The following GLIPR1L2 variants were observed in gnomAD, a reference collection of about 807,000 sequenced individuals.
GLIPR1L2 encodes the protein GLIPR1-like protein 2.
GLIPR1L2 carries 21 observed loss-of-function variants against 28.4 expected under a neutral mutation model. The ratio of observed to expected loss-of-function variants is 0.74; its 90% CI spans 0.52 to 1.06. The LOEUF is 1.06. Ranked by LOEUF, GLIPR1L2 falls within the 50% of genes least tolerant of loss-of-function variation. The probability of loss-of-function intolerance (pLI) is 0.00; values close to 1 mark genes in which losing one functional copy is unlikely to be tolerated. For missense variants in GLIPR1L2, 476 were observed against 416.9 expected, an observed-to-expected ratio of 1.14 and a Z score of -1.23; for synonymous variants, 145 against 139.3, an observed-to-expected ratio of 1.04 and a Z score of -0.29.
At chr12:75,427,089 T>A (rs534621222) in intron 4 of GLIPR1L2, among the ~76,000 whole-genome samples, 12 of 151,966 alleles carry the variant, frequency 7.9e-5, no homozygotes, top group Non-Finnish European at 1.8e-4. Context: ...TAATAAAACT[T>A]GGGAGGAGAA....
chr12:75,392,512 A>G (rs903313559), intron 1 of GLIPR1L2, among the ~76,000 whole-genome samples: 3 of 152,154 alleles, frequency 2.0e-5, no homozygotes, highest in Non-Finnish European at 4.4e-5. Flanking sequence ...GAACTATGCT[A>G]GCATTTGGTT....
intron 1 of GLIPR1L2, among the ~76,000 whole-genome samples, chr12:75,395,149 G>A (rs1005495524): frequency 5.3e-5 from 8 of 151,722 alleles, no homozygotes; most frequent in African/African-American, 1.9e-4. Context: ...GTTTTTTTGT[G>A]TGTGGAATCT....
chr12:75,402,787 G>C (rs2045756556), intron 1 of GLIPR1L2, among the ~76,000 whole-genome samples: 1 of 152,114 alleles, frequency 6.6e-6, no homozygotes, highest in African/African-American at 2.4e-5. Flanking sequence ...AATCTTTGTA[G>C]TCAGTTTAGC....
At chr12:75,407,653 T>G (rs182975696) in intron 1 of GLIPR1L2, among the ~76,000 whole-genome samples, 42 of 152,270 alleles carry the variant, frequency 2.8e-4, no homozygotes, top group African/African-American at 9.6e-4. Context: ...AATTTACAAT[T>G]TTTAAATTGT....
chr12:75,404,807 T>C (rs756365878), intron 1 of GLIPR1L2, among the ~76,000 whole-genome samples: 1 of 152,170 alleles, frequency 6.6e-6, no homozygotes, highest in South Asian at 2.1e-4. Flanking sequence ...TAGCTTTGTT[T>C]AGTGTTATGT....
chr12:75,400,334 G>T (rs1026895183), intron 1 of GLIPR1L2, among the ~76,000 whole-genome samples: 1 of 151,954 alleles, frequency 6.6e-6, no homozygotes, highest in African/African-American at 2.4e-5. Flanking sequence ...CCACGTTATA[G>T]GATGGTCTCA....
chr12:75,418,160 AG>A (rs1197265870), intron 3 of GLIPR1L2, among the ~76,000 whole-genome samples: 1 of 152,144 alleles, frequency 6.6e-6, no homozygotes, highest in Non-Finnish European at 1.5e-5. Flanking sequence ...TATATAGATG[AG>A]GGTCAATAAG....
At chr12:75,419,832 T>A (rs183777871) in intron 3 of GLIPR1L2, among the ~76,000 whole-genome samples, 1 of 152,314 alleles carries the variant, frequency 6.6e-6, no homozygotes, top group Admixed American at 6.5e-5. Context: ...GTTCATACTT[T>A]CGTTGACCTT....
At chr12:75,427,848 T>C (rs2046049891) in intron 4 of GLIPR1L2, among the ~76,000 whole-genome samples, 1 of 152,174 alleles carries the variant, frequency 6.6e-6, no homozygotes, top group Non-Finnish European at 1.5e-5. Context: ...TTGCTTCCCC[T>C]TCACCCTCTG....
chr12:75,409,841 T>C (rs528283195), intron 1 of GLIPR1L2, among the ~76,000 whole-genome samples: 72 of 148,244 alleles, frequency 4.9e-4, no homozygotes, highest in Admixed American at 1.0e-3. Flanking sequence ...TAATCCGATA[T>C]ATATATAAGA....
chr12:75,393,360 G>A (rs2045651132), intron 1 of GLIPR1L2, among the ~76,000 whole-genome samples: 1 of 151,800 alleles, frequency 6.6e-6, no homozygotes, highest in Non-Finnish European at 1.5e-5. Flanking sequence ...TCGTCTTCCT[G>A]AACTGAGACT....
At chr12:75,391,447 G>A in intron 1 of GLIPR1L2, 97 bp downstream of exon 1, 2 of 1,592,752 alleles carry the variant, frequency 1.3e-6, no homozygotes, top group Non-Finnish European at 1.7e-6. Flanking sequence ...GAGGCTGAAG[G>A]ATCGCGGAGA....
At chr12:75,428,057 G>C (rs1188670514) in intron 4 of GLIPR1L2, among the ~76,000 whole-genome samples, 1 of 152,150 alleles carries the variant, frequency 6.6e-6, no homozygotes, top group African/African-American at 2.4e-5. Context: ...TTTGGAACTG[G>C]GTAACAGGCA....
intron 2 of GLIPR1L2, among the ~76,000 whole-genome samples, chr12:75,412,262 G>C (rs1239087461): frequency 1.3e-5 from 2 of 151,886 alleles, no homozygotes; most frequent in Non-Finnish European, 2.9e-5. Flanking sequence ...TGATTCATCA[G>C]GCATGACGTC....
intron 1 of GLIPR1L2, among the ~76,000 whole-genome samples, chr12:75,407,535 T>C (rs1050629776): frequency 4.6e-5 from 7 of 152,056 alleles, no homozygotes; most frequent in African/African-American, 1.7e-4. Flanking sequence ...GAGACATAAG[T>C]TTTTAGATTA....
chr12:75,392,858 C>A (rs56686453), intron 1 of GLIPR1L2, among the ~76,000 whole-genome samples: 1 of 151,808 alleles, frequency 6.6e-6, no homozygotes, highest in African/African-American at 2.4e-5. Flanking sequence ...AAAGTCCCAC[C>A]CTAAATTTTT....
At chr12:75,412,810 A>G (rs1273764926) in intron 2 of GLIPR1L2, among the ~76,000 whole-genome samples, 1 of 152,128 alleles carries the variant, frequency 6.6e-6, no homozygotes, top group African/African-American at 2.4e-5. Context: ...ATCTAGAACT[A>G]GAAATACCAT....
chr12:75,399,148 G>T (rs1001024579), intron 1 of GLIPR1L2, among the ~76,000 whole-genome samples: 2 of 152,206 alleles, frequency 1.3e-5, no homozygotes, highest in South Asian at 4.1e-4. Flanking sequence ...TGAAAAATGA[G>T]GGTTATTGAA....
intron 1 of GLIPR1L2, among the ~76,000 whole-genome samples, chr12:75,399,449 T>A (rs556758409): frequency 6.6e-6 from 1 of 152,324 alleles, no homozygotes; most frequent in East Asian, 1.9e-4. Flanking sequence ...ACAACAAAAC[T>A]ATTGTTGAAC....
Sources: gnomAD v4.1 joint callset for allele counts (sites outside exome capture counted in the v4.1 genomes callset) on GRCh38, gnomAD v4.1.1 for gene constraint, MANE v1.5 for transcripts, NCBI Gene and HGNC (gene_info 2026-07-23, HGNC 2026-07-21) for gene names.